Variants in ACADS observed in about 807,000 individuals in gnomAD.
The protein encoded by ACADS is short-chain specific acyl-CoA dehydrogenase, mitochondrial.
Under a neutral mutation model 46.8 loss-of-function variants are expected in ACADS, and 28 were observed. The ratio of observed to expected loss-of-function variants is 0.60; its 90% confidence interval spans 0.44 to 0.82. The LOEUF is 0.82. ACADS is among the 40% of genes least tolerant of loss of function. The probability of loss-of-function intolerance (pLI) is 0.00; values close to 1 mark genes in which losing one functional copy is unlikely to be tolerated. For missense variants in ACADS, 528 were observed against 578.0 expected, an observed-to-expected ratio of 0.91 and a Z score of 0.89; for synonymous variants, 236 against 237.7, an observed-to-expected ratio of 0.99 and a Z score of 0.07.
In ACADS at chr12:120,737,926, A is replaced by G. The variant is rs1350264020; in HGVS notation, c.562A>G (p.Asn188Asp). 6.2e-7 allele frequency: 1 copy of G among 1,613,992 alleles called. No homozygotes were observed. Residue 188 changes from asparagine (N) to aspartate (D), a missense_variant, in exon 5 of 10, where the codon AAT becomes GAT. Physicochemically the swap from Asn to Asp is conservative, Grantham distance 23 (BLOSUM62 1). Coordinates refer to ENST00000242592, the MANE Select transcript of ACADS (RefSeq NM_000017.4). Reference sequence around the variant, plus strand: ...GAATGGAACCAAAGCCTGGATCACCAATGCCTGGGAGGCTTCGGCTGCCGT... The same window carrying G: ...GAATGGAACCAAAGCCTGGATCACCGATGCCTGGGAGGCTTCGGCTGCCGT... ...VLNGTKAWIT[N>D]AWEASAAVVF... is the part of the protein sequence containing the mutation.
At chr12:120,736,645 G>T (rs1476695914) in intron 2 of ACADS, among the ~76,000 whole-genome samples, 2 of 152,216 alleles carry the variant, frequency 1.3e-5, no homozygotes, top group Admixed American at 6.5e-5. Flanking sequence ...TGCAGAGGGG[G>T]CTGGACGAAG....
At chr12:120,732,056 C>T (rs1437349081) in intron 2 of ACADS, among the ~76,000 whole-genome samples, 2 of 152,268 alleles carry the variant, frequency 1.3e-5, no homozygotes, top group Non-Finnish European at 2.9e-5. Flanking sequence ...GACACAGCAA[C>T]CATCCGATTT....
rs1592940155 is a variant in ACADS, at chr12:120,737,923, A to C, written c.559A>C (p.Thr187Pro). 1.2e-6 allele frequency: 2 copies of C among 1,614,130 alleles called. No homozygotes were observed. Residue 187 changes from threonine to proline, a missense_variant, in exon 5 of 10, where the codon ACC becomes CCC. Physicochemically the swap from Thr to Pro is conservative, Grantham distance 38. Coordinates refer to ENST00000242592, the MANE Select transcript of ACADS (RefSeq NM_000017.4). Reference protein sequence around the residue: ...WVLNGTKAWITNAWEASAAVV... With the variant: ...WVLNGTKAWIPNAWEASAAVV... ...TCTGAATGGAACCAAAGCCTGGATC[A>C]CCAATGCCTGGGAGGCTTCGGCTGC...
rs1022889687 is a variant in ACADS, at chr12:120,728,746, A to G, written c.210+1557A>G. Among the ~76,000 whole-genome samples, 1 of 151,720 alleles carries G rather than the reference A, an allele frequency of 6.6e-6. No homozygotes were observed. Among genetic ancestry groups the G allele is most frequent in the Non-Finnish European group, 1.5e-5 (1 of 67,940 alleles). ...GGTCTCAAACTCCTGAGCTCAGGCA[A>G]TCCACCCGCCTCGGCCTCGCAAAGT... On this transcript the variant is annotated intron_variant, in intron 2 of 9. Transcript: ENST00000242592. This position sits in a 1 kb window ranked among gnomAD's most constrained non-coding sequence, Gnocchi z 4.0.
At chr12:120,736,904 G>A (rs546753580) in intron 2 of ACADS, 82 bp from the exon 3 acceptor site, 5 of 1,484,594 alleles carry the variant, frequency 3.4e-6, no homozygotes, top group African/African-American at 1.4e-5. Flanking sequence ...GCACTGCCTC[G>A]GGGGCAGGAG....
intron 2 of ACADS, among the ~76,000 whole-genome samples, chr12:120,734,777 A>C (rs1303116606): frequency 1.4e-5 from 2 of 145,578 alleles, no homozygotes; most frequent in African/African-American, 5.1e-5. Flanking sequence ...TTTGAGACAG[A>C]TTCTCGCTCT....
rs576737427 is a variant in ACADS, at chr12:120,738,520, G to C, written c.796-13G>C. ...CCCGGCTGGCGGGCCACTGACCAGG[G>C]CGGTCCCCACAGCAAACCCTGGACA... is the stretch of plus-strand genomic sequence containing the variant. On this transcript the variant is annotated splice_polypyrimidine_tract_variant and intron_variant, in intron 6 of 9. Transcript: ENST00000242592. 1 of 1,607,512 alleles carries C rather than the reference G, an allele frequency of 6.2e-7. No individual in the cohort carries two copies. Among genetic ancestry groups the C allele is most frequent in the South Asian group, 1.1e-5 (1 of 91,072 alleles).
intron 2 of ACADS, among the ~76,000 whole-genome samples, chr12:120,730,202 C>G (rs946707064): frequency 1.3e-5 from 2 of 152,068 alleles, no homozygotes; most frequent in African/African-American, 2.4e-5. Flanking sequence ...AGGCTGGTCT[C>G]GAACTCTTGA....
intron 2 of ACADS, among the ~76,000 whole-genome samples, chr12:120,733,242 A>AGGGAGACCGGG: frequency 7.6e-6 from 1 of 131,878 alleles, no homozygotes; most frequent in Admixed American, 8.0e-5. Context: ...CCGGGGGGAG[A>AGGGAGACCGGG]GGGAGAGGGA....
At chr12:120,738,154 G>C (rs1270361576) in intron 5 of ACADS, 126 bp from the exon 6 acceptor site, 2 of 1,572,920 alleles carry the variant, frequency 1.3e-6, no homozygotes, top group East Asian at 4.7e-5. Flanking sequence ...CCCAGAAGCC[G>C]GCAGAGGGTG....
intron 2 of ACADS, among the ~76,000 whole-genome samples, chr12:120,736,229 A>T (rs918710194): frequency 3.9e-5 from 6 of 152,036 alleles, no homozygotes; most frequent in Non-Finnish European, 8.8e-5. Flanking sequence ...CAATCCCCTC[A>T]CCTTGGTCTC....
intron 5 of ACADS, 53 bp downstream of exon 5, chr12:120,738,041 G>T (rs933619838): frequency 6.8e-6 from 11 of 1,610,568 alleles, no homozygotes; most frequent in South Asian, 1.1e-5. Flanking sequence ...TGTCATTTCT[G>T]TTTCTAGGGC....
intron 2 of ACADS, among the ~76,000 whole-genome samples, chr12:120,731,745 A>G (rs1883254695): frequency 6.6e-6 from 1 of 151,932 alleles, no homozygotes; most frequent in Non-Finnish European, 1.5e-5. Flanking sequence ...TAAACAAGTG[A>G]ACAAAGGTCT....
At chr12:120,734,183 T>A (rs1164422212) in intron 2 of ACADS, among the ~76,000 whole-genome samples, 3 of 152,176 alleles carry the variant, frequency 2.0e-5, no homozygotes, top group African/African-American at 7.2e-5. Flanking sequence ...AACCCTCACA[T>A]CTCCAGACGC....
chr12:120,737,326 GCCTCCGACCGCTCCCCGCTGT>G lies in ACADS; in HGVS notation c.361-24_361-4del. ...TGGGCAGGATGCGCCTGGGCCTGGGGCCTCCGACCGCTCCCCGCTGTCCTCCTAGTCTCTCTACCTGGGGCC... is the reference window on the plus strand; with the variant it reads ...TGGGCAGGATGCGCCTGGGCCTGGGGCCTCCTAGTCTCTCTACCTGGGGCC... On this transcript the variant is annotated splice_polypyrimidine_tract_variant and intron_variant, in intron 3 of 9. Transcript: ENST00000242592. 6.2e-7 allele frequency: 1 copy of G among 1,603,898 alleles called. No homozygotes were observed. Among genetic ancestry groups the G allele is most frequent in the Non-Finnish European group, 8.5e-7 (1 of 1,173,458 alleles).
At chr12:120,729,166 G>A (rs924161060) in intron 2 of ACADS, among the ~76,000 whole-genome samples, 6 of 152,014 alleles carry the variant, frequency 3.9e-5, no homozygotes, top group Non-Finnish European at 7.4e-5. Context: ...CCTGGCTGCT[G>A]TTAGTTAATT....
rs1195424097 is a variant in ACADS, at chr12:120,739,359, G to A, written c.1150G>A (p.Asp384Asn). The A allele has an allele frequency of 6.8e-6, 11 of 1,612,922 alleles. No individual in the cohort carries two copies. The highest frequency in any genetic ancestry group is 9.3e-6 in the Non-Finnish European group (11 of 1,179,970). The change falls in exon 10 of 10, where the codon GAC becomes AAC. Residue 384 changes from aspartate (D) to asparagine (N), a missense_variant. By Grantham distance (23) the Asp-to-Asn change is conservative. Transcript: ENST00000242592. Reference sequence around the variant, plus strand: ...GATGCCGGCAGAGCGGCACTACCGCGACGCCCGCATCACTGAGATCTACGA... The same window carrying A: ...GATGCCGGCAGAGCGGCACTACCGCAACGCCCGCATCACTGAGATCTACGA... ...TEMPAERHYR[D>N]ARITEIYEGT...
Position 120,737,821 on chromosome 12 carries a change from G to T in ACADS, c.473-16G>T. On this transcript the variant is annotated splice_polypyrimidine_tract_variant and intron_variant, in intron 4 of 9. Coordinates refer to ENST00000242592, the MANE Select transcript of ACADS (RefSeq NM_000017.4). Reference sequence around the variant, plus strand: ...TGGGGTGGGGCGTGCGCTGAGCCCTGGGTCTGTGTGGGCAGGGAACGGCAG... The same window carrying T: ...TGGGGTGGGGCGTGCGCTGAGCCCTTGGTCTGTGTGGGCAGGGAACGGCAG... 2 of 1,613,842 alleles carry T rather than the reference G, an allele frequency of 1.2e-6. No homozygotes were observed. The highest frequency in any genetic ancestry group is 1.7e-6 in the Non-Finnish European group (2 of 1,179,858).
At chr12:120,725,957 C>T in intron 1 of ACADS, 26 bp downstream of exon 1, 5 of 1,524,532 alleles carry the variant, frequency 3.3e-6, no homozygotes, top group Non-Finnish European at 4.4e-6. Context: ...ATCCGTACGG[C>T]GGGGCTTCAG....
Sources: allele counts gnomAD v4.1 joint callset (sites outside exome capture counted in the v4.1 genomes callset), GRCh38; gene constraint gnomAD v4.1.1; non-coding constraint Gnocchi (gnomAD v3.1); transcripts MANE v1.5; gene names NCBI Gene and HGNC (gene_info 2026-07-23, HGNC 2026-07-21).